The following CNOT6 variants were observed in gnomAD, a reference collection of about 807,000 sequenced individuals.
The protein encoded by CNOT6 is carbon catabolite repression 4 protein.
CNOT6 carries 12 observed loss-of-function variants against 61.2 expected under a neutral mutation model. That is an observed-to-expected ratio of 0.20 (90% CI 0.13 to 0.32). CNOT6 has a LOEUF of 0.32. Among genes scored for constraint, CNOT6 ranks in the 10% least tolerant of loss-of-function variants. The pLI, the probability that CNOT6 is intolerant of heterozygous loss-of-function variation, is 1.00. For synonymous variants in CNOT6, 225 were observed against 240.6 expected (o/e 0.94, Z 0.60); for missense variants, 405 against 663.9 (o/e 0.61, Z 4.28).
intron 7 of CNOT6, 99 bp from the exon 8 acceptor site, chr5:180,566,989 T>C (rs1760498958): frequency 8.7e-7 from 1 of 1,148,432 alleles, no homozygotes; most frequent in African/African-American, 1.6e-5. Flanking sequence ...TGCAGACCAG[T>C]CCTTTGAAAT....
intron 2 of CNOT6, among the ~76,000 whole-genome samples, chr5:180,541,459 T>TTTTG: frequency 7.3e-6 from 1 of 137,374 alleles, no homozygotes; most frequent in Non-Finnish European, 1.6e-5. Context: ...TTTTTTTTTT[T>TTTTG]TTTTTTTTTT....
At chr5:180,527,433 A>G (rs1758151438) in intron 1 of CNOT6, among the ~76,000 whole-genome samples, 1 of 152,210 alleles carries the variant, frequency 6.6e-6, no homozygotes, top group Admixed American at 6.5e-5. Flanking sequence ...TTACTTTAAA[A>G]AAATTTTTAA....
At chr5:180,556,955 C>CAAA (rs559541607) in intron 4 of CNOT6, among the ~76,000 whole-genome samples, 1 of 99,386 alleles carries the variant, frequency 1.0e-5, no homozygotes, top group Non-Finnish European at 2.1e-5. Context: ...GACTCCGTCT[C>CAAA]AAAAAAAAAA....
chr5:180,525,497 C>T (rs1431478207), intron 1 of CNOT6, among the ~76,000 whole-genome samples: 1 of 151,308 alleles, frequency 6.6e-6, no homozygotes, highest in Non-Finnish European at 1.5e-5. Flanking sequence ...AGAGATGGCA[C>T]CATCGCACTC....
intron 3 of CNOT6, among the ~76,000 whole-genome samples, chr5:180,550,682 G>A (rs960974824): frequency 2.0e-5 from 3 of 152,246 alleles, no homozygotes; most frequent in South Asian, 2.1e-4. Context: ...GACAGAGAGT[G>A]GGTAGACTGC....
chr5:180,529,484 A>C (rs1254525428), intron 2 of CNOT6, 96 bp downstream of exon 2: 1 of 713,856 alleles, frequency 1.4e-6, no homozygotes. Flanking sequence ...CATTGATTTT[A>C]TATTTTACAA....
In CNOT6 at chr5:180,529,266, T is replaced by C. The variant is rs761258912; in HGVS notation, c.-2-9T>C. ...TTTTAGAATACTGATTGGTTTCTTT[T>C]CTTAACAGGCATGCCCAAAGAAAAA... is the stretch of plus-strand genomic sequence containing the variant. On this transcript the variant is annotated splice_polypyrimidine_tract_variant and intron_variant, in intron 1 of 11. Transcript: ENST00000261951. 9.3e-6 allele frequency: 14 copies of C among 1,509,422 alleles called. No homozygotes were observed. The highest frequency in any genetic ancestry group is 1.3e-5 in the Non-Finnish European group (14 of 1,087,572). 93.5% of individuals were successfully genotyped at this position (1,509,422 alleles called of 1,614,324 possible).
chr5:180,515,903 TA>T (rs371739317), intron 1 of CNOT6, among the ~76,000 whole-genome samples: 5 of 151,844 alleles, frequency 3.3e-5, no homozygotes, highest in African/African-American at 7.2e-5. Flanking sequence ...AATTCAAGAT[TA>T]AAAAAAAAAA....
chr5:180,550,960 GA>G, intron 3 of CNOT6, among the ~76,000 whole-genome samples: 1 of 152,190 alleles, frequency 6.6e-6, no homozygotes, highest in Non-Finnish European at 1.5e-5. Flanking sequence ...TGTGATCTTG[GA>G]CAACCTTCTT....
At chr5:180,512,002 T>C (rs1390474641) in intron 1 of CNOT6, among the ~76,000 whole-genome samples, 6 of 152,234 alleles carry the variant, frequency 3.9e-5, no homozygotes. Context: ...TAATCTGTTT[T>C]GAAATTTGTA....
chr5:180,566,729 A>G (rs1373467738), intron 7 of CNOT6, among the ~76,000 whole-genome samples: 2 of 136,950 alleles, frequency 1.5e-5, no homozygotes, highest in Non-Finnish European at 3.0e-5. Context: ...GCATGATCTC[A>G]GCTCACTGCA....
At chr5:180,553,228 A>T (rs1759710298) in intron 3 of CNOT6, among the ~76,000 whole-genome samples, 158 bp from the exon 4 acceptor site, 2 of 150,138 alleles carry the variant, frequency 1.3e-5, no homozygotes, top group South Asian at 2.1e-4. Context: ...TTTTTTTTTT[A>T]AACCACATGT....
intron 4 of CNOT6, among the ~76,000 whole-genome samples, chr5:180,563,464 G>T (rs1246623956): frequency 6.6e-6 from 1 of 151,520 alleles, no homozygotes. Context: ...GGATGGTCTC[G>T]ATCTCCTAAC....
At position 180,576,237 on chromosome 5, in the gene CNOT6, A is replaced by G. The variant is rs553264455; in HGVS notation, c.*2037A>G. 2 of 152,646 alleles carry G rather than the reference A, an allele frequency of 1.3e-5. No individual in the cohort carries two copies. The highest frequency in any genetic ancestry group is 2.9e-5 in the Non-Finnish European group (2 of 68,038). 9.5% of individuals were successfully genotyped at this position (152,646 alleles called of 1,614,324 possible). ...TGTGCATCATGACAATTTCCAGTGAAGGTGAGCTGGAGCTGGTTGGACTAA... is the reference window on the plus strand; with the variant it reads ...TGTGCATCATGACAATTTCCAGTGAGGGTGAGCTGGAGCTGGTTGGACTAA... On this transcript the variant is annotated 3_prime_UTR_variant, in exon 12 of 12. Coordinates refer to ENST00000261951, the MANE Select transcript of CNOT6 (RefSeq NM_001370472.1).
At chr5:180,497,149 G>A (rs1756646642) in intron 1 of CNOT6, among the ~76,000 whole-genome samples, 1 of 152,042 alleles carries the variant, frequency 6.6e-6, no homozygotes, top group South Asian at 2.1e-4. Flanking sequence ...CCAATATGAT[G>A]AAACCCTGTC....
chr5:180,555,188 A>G (rs191688316), intron 4 of CNOT6, among the ~76,000 whole-genome samples: 1 of 151,954 alleles, frequency 6.6e-6, no homozygotes, highest in Non-Finnish European at 1.5e-5. Context: ...TTGTGTTTTT[A>G]GCAGAGACGA....
chr5:180,556,135 CA>C (rs1270689922), intron 4 of CNOT6, among the ~76,000 whole-genome samples: 1 of 152,160 alleles, frequency 6.6e-6, no homozygotes, highest in Non-Finnish European at 1.5e-5. Flanking sequence ...ATAGAACAGT[CA>C]AGACACAGAA....
At chr5:180,536,090 C>T (rs1318219947) in intron 2 of CNOT6, among the ~76,000 whole-genome samples, 2 of 142,602 alleles carry the variant, frequency 1.4e-5, no homozygotes, top group African/African-American at 2.6e-5. Flanking sequence ...CTGCCTCCCA[C>T]GTTCACACCA....
At chr5:180,547,039 A>G (rs565561688) in intron 2 of CNOT6, among the ~76,000 whole-genome samples, 2 of 152,332 alleles carry the variant, frequency 1.3e-5, no homozygotes, top group South Asian at 4.1e-4. Flanking sequence ...AACCAAGTTT[A>G]TGTACATTGA....
Sources: gnomAD v4.1 joint callset for allele counts (sites outside exome capture counted in the v4.1 genomes callset) on GRCh38, gnomAD v4.1.1 for gene constraint, MANE v1.5 for transcripts, NCBI Gene and HGNC (gene_info 2026-07-23, HGNC 2026-07-21) for gene names.